HSDL2: variants seen among roughly 807,000 people sequenced by gnomAD.
The protein encoded by HSDL2 is hydroxysteroid dehydrogenase like 2, also known as hydroxysteroid dehydrogenase-like protein 2.
HSDL2 carries 27 observed loss-of-function variants against 46.3 expected under a neutral mutation model. The observed-to-expected ratio is 0.58, with a 90% confidence interval of 0.43 to 0.80. The LOEUF (loss-of-function observed/expected upper bound fraction) is 0.80, where lower values mean the gene tolerates loss of function less well. HSDL2 is among the 30% of genes least tolerant of loss of function. HSDL2 has a pLI of 0.00. For missense variants in HSDL2, 451 were observed against 502.7 expected (o/e 0.90, Z 0.98); for synonymous variants, 153 against 163.6 (o/e 0.94, Z 0.50).
intron 8 of HSDL2, among the ~76,000 whole-genome samples, chr9:112,451,778 G>A (rs1344940421): frequency 3.3e-5 from 5 of 151,632 alleles, no homozygotes; most frequent in Admixed American, 2.0e-4. Context: ...TTGAAGGATC[G>A]GCAGGCATAT....
chr9:112,466,001 C>A (rs553332599), intron 10 of HSDL2, among the ~76,000 whole-genome samples: 4 of 152,160 alleles, frequency 2.6e-5, no homozygotes, highest in African/African-American at 9.7e-5. Context: ...ACATTCCCAA[C>A]GGCAATGTAC....
At chr9:112,383,850 C>T (rs577296279) in intron 1 of HSDL2, among the ~76,000 whole-genome samples, 72 of 152,256 alleles carry the variant, frequency 4.7e-4, no homozygotes, top group African/African-American at 1.7e-3. Context: ...TATAGACATG[C>T]GCCATAATGC....
At chr9:112,469,453 A>T (rs1268925231) in intron 10 of HSDL2, among the ~76,000 whole-genome samples, 1 of 151,854 alleles carries the variant, frequency 6.6e-6, no homozygotes, top group Non-Finnish European at 1.5e-5. Flanking sequence ...GCACTCTGGG[A>T]GGCAGGTGGA....
intron 6 of HSDL2, among the ~76,000 whole-genome samples, chr9:112,425,002 T>A (rs1832215176): frequency 6.6e-6 from 1 of 152,142 alleles, no homozygotes; most frequent in African/African-American, 2.4e-5. Context: ...TTTTGTTATA[T>A]GTTAAATTAT....
chr9:112,439,263 G>A (rs1232447115), intron 7 of HSDL2, among the ~76,000 whole-genome samples: 1 of 152,216 alleles, frequency 6.6e-6, no homozygotes, highest in Non-Finnish European at 1.5e-5. Flanking sequence ...CTCCTAAAGT[G>A]TTAGGATTAC....
intron 7 of HSDL2, 149 bp downstream of exon 7, chr9:112,438,774 C>A (rs985716149): frequency 3.8e-6 from 2 of 525,954 alleles, no homozygotes; most frequent in Non-Finnish European, 6.7e-6. Context: ...AAAACCCATA[C>A]CAACACAACT....
intron 6 of HSDL2, among the ~76,000 whole-genome samples, chr9:112,423,920 G>A (rs1832187887): frequency 6.6e-6 from 1 of 151,214 alleles, no homozygotes; most frequent in African/African-American, 2.4e-5. Flanking sequence ...CACTATGTTG[G>A]CCAGGCTGGT....
Position 112,416,833 on chromosome 9 carries a change from G to T in HSDL2, c.396-8G>T. 7.3e-7 allele frequency: 1 copy of T among 1,378,810 alleles called. No homozygotes were observed. 85.4% of individuals were successfully genotyped at this position (1,378,810 alleles called of 1,614,324 possible). On this transcript the variant is annotated splice_region_variant and splice_polypyrimidine_tract_variant and intron_variant, in intron 4 of 10. Transcript: ENST00000398805. ...TTAAATTTGGCTTGTATTTTCTTTT[G>T]CTTTCAGATCTAAAGCATGTATTCC...
In HSDL2 at chr9:112,438,598, A is replaced by G; in HGVS notation, c.766A>G (p.Asn256Asp). The change falls in exon 7 of 11, where the codon AAT becomes GAT. Residue 256 changes from asparagine (N) to aspartate (D), a missense_variant. Asn to Asp is a conservative substitution (Grantham distance 23). Transcript: ENST00000398805. Reference protein sequence around the residue: ...ENILKEEGIENFDVYAIKPGH... With the variant: ...ENILKEEGIEDFDVYAIKPGH... ...TATCTTAAAAGAAGAAGGAATAGAA[A>G]ATTTTGACGTTTATGCAATTAAACC... 14 of 1,599,662 alleles carry G rather than the reference A, an allele frequency of 8.8e-6. No individual in the cohort carries two copies. Among genetic ancestry groups the G allele is most frequent in the Non-Finnish European group, 1.2e-5 (14 of 1,172,820 alleles).
chr9:112,436,524 C>T (rs970405050), intron 6 of HSDL2, among the ~76,000 whole-genome samples: 2 of 151,950 alleles, frequency 1.3e-5, no homozygotes, highest in East Asian at 1.9e-4. Context: ...AAGCTACAGA[C>T]ATTTCATCTT....
In HSDL2 at chr9:112,430,870, T is replaced by C. The variant is rs533933409; in HGVS notation, c.599-7561T>C. On this transcript the variant is annotated intron_variant, in intron 6 of 10. Coordinates refer to ENST00000398805, the MANE Select transcript of HSDL2 (RefSeq NM_032303.5). ...GAGTTCGAGACCAGCCTGGCCAACA[T>C]GGTGAAACCCCATCTGTACTAAAAA... Among the ~76,000 whole-genome samples, 24 of 151,922 alleles carry C rather than the reference T, an allele frequency of 1.6e-4. No homozygotes were observed. The South Asian group carries it at 4.6e-3, about 29-fold the overall frequency.
intron 1 of HSDL2, among the ~76,000 whole-genome samples, chr9:112,397,165 C>A (rs2132609874): frequency 6.6e-6 from 1 of 152,254 alleles, no homozygotes; most frequent in South Asian, 2.1e-4. Context: ...ACCAAGTTGA[C>A]CACAGTTATA....
chr9:112,400,725 C>T (rs1831570757), intron 1 of HSDL2, among the ~76,000 whole-genome samples: 1 of 152,178 alleles, frequency 6.6e-6, no homozygotes, highest in Non-Finnish European at 1.5e-5. Context: ...TGTTGTAGTT[C>T]TGGGTAGAAT....
intron 1 of HSDL2, among the ~76,000 whole-genome samples, chr9:112,394,544 CTAAAT>C (rs1320888703): frequency 1.3e-5 from 2 of 152,108 alleles, no homozygotes; most frequent in African/African-American, 4.8e-5. Context: ...CACAATCTTC[CTAAAT>C]TAAAGTTTTA....
At chr9:112,418,149 C>T (rs1050207129) in intron 5 of HSDL2, among the ~76,000 whole-genome samples, 2 of 137,892 alleles carry the variant, frequency 1.5e-5, no homozygotes, top group African/African-American at 5.3e-5. Flanking sequence ...AAGTTTATTA[C>T]TGTCACTTTT....
chr9:112,433,050 C>T (rs1394652966), intron 6 of HSDL2, among the ~76,000 whole-genome samples: 1 of 152,114 alleles, frequency 6.6e-6, no homozygotes, highest in African/African-American at 2.4e-5. Flanking sequence ...GCTGGGATTA[C>T]AGGTGTGATC....
At chr9:112,429,890 G>A (rs532579690) in intron 6 of HSDL2, among the ~76,000 whole-genome samples, 2 of 152,118 alleles carry the variant, frequency 1.3e-5, no homozygotes, top group East Asian at 1.9e-4. Flanking sequence ...CCAGGAGTTC[G>A]AGACCAGCCT....
intron 6 of HSDL2, among the ~76,000 whole-genome samples, chr9:112,425,906 T>TTGTG (rs112539767): frequency 5.4e-4 from 82 of 151,410 alleles, no homozygotes; most frequent in South Asian, 1.0e-3. Context: ...TTTTCAGTTT[T>TTGTG]TGTGTGTATG....
chr9:112,459,508 G>C lies in HSDL2; in HGVS notation c.1075G>C (p.Gly359Arg). ...LKSKGGNVGY[G>R]EPSDQADVVM... ...AAGCAAGGGTGGGAATGTCGGATAT[G>C]GAGAGCCTTCTGATCAGGCAGATGT... Residue 359 changes from glycine (G) to arginine (R), a missense_variant, in exon 10 of 11, where the codon GGA (glycine) becomes CGA (arginine). Gly to Arg is a moderately radical substitution (Grantham distance 125, BLOSUM62 -2). Transcript: ENST00000398805. 1.2e-6 allele frequency: 2 copies of C among 1,613,884 alleles called. No individual in the cohort carries two copies. Among genetic ancestry groups the C allele is most frequent in the Non-Finnish European group, 8.5e-7 (1 of 1,179,748 alleles).
Sources: gnomAD v4.1 joint callset for allele counts (sites outside exome capture counted in the v4.1 genomes callset) on GRCh38, gnomAD v4.1.1 for gene constraint, MANE v1.5 for transcripts, NCBI Gene and HGNC (gene_info 2026-07-23, HGNC 2026-07-21) for gene names.